Variants in OPCML observed in about 807,000 individuals in gnomAD.
OPCML encodes the protein opioid binding protein/cell adhesion molecule like.
OPCML carries 13 observed loss-of-function variants against 37.8 expected under a neutral mutation model. That is an observed-to-expected ratio of 0.34 (90% CI 0.22 to 0.55). The LOEUF is 0.55. OPCML is among the 20% of genes least tolerant of loss of function. The probability of loss-of-function intolerance (pLI) is 0.91; values close to 1 mark genes in which losing one functional copy is unlikely to be tolerated. For missense variants in OPCML, 341 were observed against 435.6 expected (o/e 0.78, Z 1.93); for synonymous variants, 176 against 168.8 (o/e 1.04, Z -0.33).
chr11:133,015,745 T>G (rs1429580489), intron 1 of OPCML, among the ~76,000 whole-genome samples: 1 of 152,176 alleles, frequency 6.6e-6, no homozygotes. Context: ...TCACCGTTCA[T>G]GTATTACAAA....
At chr11:132,704,107 G>A (rs566983471) in intron 2 of OPCML, among the ~76,000 whole-genome samples, 10 of 152,252 alleles carry the variant, frequency 6.6e-5, no homozygotes, top group African/African-American at 2.4e-4. Context: ...ACATGGACTA[G>A]TGTAGTCCTG....
intron 2 of OPCML, among the ~76,000 whole-genome samples, chr11:132,715,301 A>G (rs1197626812): frequency 6.6e-6 from 1 of 152,244 alleles, no homozygotes; most frequent in East Asian, 1.9e-4. Context: ...ATTAAATGCT[A>G]CAGATATACA....
intron 1 of OPCML, among the ~76,000 whole-genome samples, chr11:133,104,431 GA>G (rs1158306472): frequency 1.3e-5 from 2 of 151,950 alleles, no homozygotes; most frequent in Non-Finnish European, 2.9e-5. Flanking sequence ...TAGGGACCTG[GA>G]AAAAAAGAAG....
chr11:132,570,077 A>G (rs1432734453), intron 3 of OPCML, among the ~76,000 whole-genome samples: 1 of 152,214 alleles, frequency 6.6e-6, no homozygotes, highest in Non-Finnish European at 1.5e-5. Flanking sequence ...AAACATAATT[A>G]TTATTTTCAC....
At chr11:132,854,826 A>C (rs1387165895) in intron 2 of OPCML, among the ~76,000 whole-genome samples, 5 of 152,204 alleles carry the variant, frequency 3.3e-5, no homozygotes, top group Non-Finnish European at 7.3e-5. Context: ...GGACATGTTG[A>C]AACTGCCTTT....
At chr11:133,479,954 G>A (rs1005861232) in intron 1 of OPCML, among the ~76,000 whole-genome samples, 1 of 152,116 alleles carries the variant, frequency 6.6e-6, no homozygotes, top group African/African-American at 2.4e-5. Flanking sequence ...ACCACCCAAG[G>A]AGCCAGCCCG....
At chr11:133,007,841 C>T (rs1055921188) in intron 1 of OPCML, 18 of 985,342 alleles carry the variant, frequency 1.8e-5, no homozygotes, top group Admixed American at 1.2e-4. Flanking sequence ...AGTTGATACA[C>T]GGATGGCAAT....
At chr11:133,373,424 A>AATATATATATATATATATATATATAT (rs57417327) in intron 1 of OPCML, among the ~76,000 whole-genome samples, 89 of 117,682 alleles carry the variant, frequency 7.6e-4, no homozygotes, top group Admixed American at 4.0e-3. Flanking sequence ...ACTTAATTAA[A>AATATATATATATATATATATATATAT]ATATATATAT....
At chr11:132,976,533 C>A (rs1213416563) in intron 1 of OPCML, among the ~76,000 whole-genome samples, 2 of 152,160 alleles carry the variant, frequency 1.3e-5, no homozygotes, top group Non-Finnish European at 2.9e-5. Flanking sequence ...TAGCCGCAAC[C>A]AGTTCCAAGC....
intron 2 of OPCML, among the ~76,000 whole-genome samples, chr11:132,833,180 C>T (rs899321291): frequency 2.0e-5 from 3 of 152,258 alleles, no homozygotes; most frequent in Non-Finnish European, 2.9e-5. Context: ...TGTAATAACA[C>T]GGCTTAAAAT....
chr11:133,287,159 G>T (rs999218233), intron 1 of OPCML, among the ~76,000 whole-genome samples: 3 of 151,562 alleles, frequency 2.0e-5, no homozygotes, highest in Non-Finnish European at 4.4e-5. Flanking sequence ...ATAATTTTAA[G>T]TGTTCTAGAG....
At chr11:132,730,187 T>C (rs754865604) in intron 2 of OPCML, among the ~76,000 whole-genome samples, 1 of 151,888 alleles carries the variant, frequency 6.6e-6, no homozygotes, top group Non-Finnish European at 1.5e-5. Context: ...TAATTTTTTT[T>C]GTATTTTCAG....
intron 2 of OPCML, among the ~76,000 whole-genome samples, chr11:132,845,414 A>C (rs984175891): frequency 9.2e-5 from 14 of 152,162 alleles, no homozygotes; most frequent in Non-Finnish European, 4.4e-5. Flanking sequence ...TTTCAAACTC[A>C]AATACTCTTT....
intron 2 of OPCML, among the ~76,000 whole-genome samples, chr11:132,820,494 T>TGGG (rs760152659): frequency 1.3e-5 from 2 of 152,036 alleles, no homozygotes; most frequent in Non-Finnish European, 2.9e-5. Flanking sequence ...CACATATATA[T>TGGG]GTGGTGTGTG....
intron 1 of OPCML, among the ~76,000 whole-genome samples, chr11:133,128,068 T>A (rs905657536): frequency 3.9e-5 from 6 of 152,188 alleles, no homozygotes; most frequent in African/African-American, 1.4e-4. Context: ...CCTTATGTGA[T>A]CTTCAGCTCC....
At chr11:132,594,229 C>T (rs1591599358) in intron 3 of OPCML, among the ~76,000 whole-genome samples, 1 of 152,120 alleles carries the variant, frequency 6.6e-6, no homozygotes, top group Admixed American at 6.6e-5. Context: ...TACATAAGGT[C>T]ATAAGTGCTG....
At chr11:133,215,292 C>T (rs1939539046) in intron 1 of OPCML, among the ~76,000 whole-genome samples, 1 of 152,058 alleles carries the variant, frequency 6.6e-6, no homozygotes, top group African/African-American at 2.4e-5. Context: ...AATCGCGAGG[C>T]CACTAATCAC....
chr11:132,512,641 T>A (rs2096271325), intron 4 of OPCML, among the ~76,000 whole-genome samples: 1 of 151,402 alleles, frequency 6.6e-6, no homozygotes, highest in African/African-American at 2.4e-5. Context: ...TGTAGATATG[T>A]GTGTAGGGTG....
At chr11:133,423,167 T>C in intron 1 of OPCML, 2 of 985,386 alleles carry the variant, frequency 2.0e-6, no homozygotes, top group Non-Finnish European at 2.4e-6. Flanking sequence ...TATCTTTACA[T>C]CTTGAAGAAT....
Sources: allele counts gnomAD v4.1 joint callset (sites outside exome capture counted in the v4.1 genomes callset), GRCh38; gene constraint gnomAD v4.1.1; transcripts MANE v1.5; gene names NCBI Gene and HGNC (gene_info 2026-07-23, HGNC 2026-07-21).